UBE3C: variants seen among roughly 807,000 people sequenced by gnomAD.
UBE3C encodes the protein ubiquitin protein ligase E3C, also known as ubiquitin-protein ligase E3C.
Under a neutral mutation model 129.4 loss-of-function variants are expected in UBE3C, and 42 were observed. That is an observed-to-expected ratio of 0.32 (90% CI 0.25 to 0.42). The LOEUF (loss-of-function observed/expected upper bound fraction) is 0.42. Ranked by LOEUF, UBE3C falls within the 10% of genes least tolerant of loss-of-function variation. UBE3C has a pLI of 1.00. For synonymous variants in UBE3C, 510 were observed against 492.4 expected (o/e 1.04, Z -0.47); for missense variants, 1,049 against 1,319.1 (o/e 0.80, Z 3.17).
At position 157,198,497 on chromosome 7, in the gene UBE3C, G is replaced by A. The variant is rs530351107; in HGVS notation, c.1332-3224G>A. On this transcript the variant is annotated intron_variant, in intron 10 of 22. Transcript: ENST00000348165. Reference sequence around the variant, plus strand: ...TCTCCTGCTCACCGAGCTCAGGGCCGCCGCCCTCCGCCATCTTCCGCTGGC... The same window carrying A: ...TCTCCTGCTCACCGAGCTCAGGGCCACCGCCCTCCGCCATCTTCCGCTGGC... The A allele has an allele frequency of 9.1e-4, 355 of 391,972 alleles. 1 individual carries two copies. The highest frequency in any genetic ancestry group is 1.5e-3 in the Non-Finnish European group (331 of 214,396). The allele number at this position is 391,972 out of a possible 1,614,324, so 24.3% of individuals were successfully genotyped here. A position where few individuals can be genotyped will look rare whatever the true frequency, so the allele number is the denominator to read the frequency against.
intron 21 of UBE3C, 151 bp from the exon 22 acceptor site, chr7:157,256,763 C>T: frequency 1.1e-6 from 1 of 880,016 alleles, no homozygotes; most frequent in Admixed American, 2.5e-5. Flanking sequence ...ACAGCACGTA[C>T]ACAGGTGATA....
chr7:157,219,837 T>A (rs931728683), intron 14 of UBE3C, among the ~76,000 whole-genome samples: 1 of 151,850 alleles, frequency 6.6e-6, no homozygotes, highest in Non-Finnish European at 1.5e-5. Flanking sequence ...AGGCAGAGGT[T>A]GCAGTGAGCC....
intron 17 of UBE3C, 152 bp downstream of exon 17, chr7:157,225,691 A>C (rs1795856707): frequency 1.1e-6 from 1 of 914,240 alleles, no homozygotes; most frequent in South Asian, 2.1e-5. Context: ...GCTCACACCT[A>C]TAATCCCAGC....
intron 6 of UBE3C, among the ~76,000 whole-genome samples, chr7:157,179,287 T>G (rs1226536865): frequency 6.6e-6 from 1 of 152,202 alleles, no homozygotes; most frequent in Non-Finnish European, 1.5e-5. Context: ...AAGTAAATTT[T>G]GTTAAATGAT....
chr7:157,254,152 C>T lies in UBE3C; in HGVS notation c.2883+10C>T. ...TCAGCAAGAAATTCAGGTACCCTAC[C>T]TGCTGACTTTCTGGGACACGCTTGT... On this transcript the variant is annotated intron_variant, in intron 20 of 22. Transcript: ENST00000348165. The T allele has an allele frequency of 1.9e-6, 3 of 1,610,644 alleles. No individual in the cohort carries two copies. The highest frequency in any genetic ancestry group is 2.5e-6 in the Non-Finnish European group (3 of 1,178,006).
intron 1 of UBE3C, among the ~76,000 whole-genome samples, chr7:157,141,767 A>T (rs903980600): frequency 3.3e-5 from 5 of 152,104 alleles, no homozygotes; most frequent in Admixed American, 6.6e-5. Flanking sequence ...GCATGGAGCC[A>T]CTCACCACTT....
intron 1 of UBE3C, among the ~76,000 whole-genome samples, chr7:157,143,076 G>A (rs1224683894): frequency 1.3e-5 from 2 of 151,808 alleles, no homozygotes; most frequent in South Asian, 2.1e-4. Flanking sequence ...CATGTCGGTC[G>A]GGCGGGTCTC....
At chr7:157,144,070 T>C (rs1807533211) in intron 1 of UBE3C, among the ~76,000 whole-genome samples, 1 of 152,148 alleles carries the variant, frequency 6.6e-6, no homozygotes. Context: ...TTGAGCATAT[T>C]CTGTAGGGTA....
At chr7:157,170,517 A>G (rs1210771464) in intron 4 of UBE3C, 67 bp downstream of exon 4, 14 of 1,405,680 alleles carry the variant, frequency 1.0e-5, no homozygotes, top group Non-Finnish European at 1.3e-5. Context: ...TTAAAGTGGA[A>G]ATGGCTTCTC....
Position 157,201,713 on chromosome 7 carries a change from CT to C in UBE3C, c.1332-3del. The C allele has an allele frequency of 7.1e-7, 1 of 1,414,018 alleles. No individual in the cohort carries two copies. 87.6% of individuals were successfully genotyped at this position (1,414,018 alleles called of 1,614,324 possible). A position where few individuals can be genotyped will look rare whatever the true frequency, so the allele number is the denominator to read the frequency against. ...ACTGTTCTGTGTTTTTCTCCTATTC[CT>C]TTTTAGGCTTCTCTACAGTTTAGCC... is the stretch of plus-strand genomic sequence containing the variant. On this transcript the variant is annotated splice_polypyrimidine_tract_variant and splice_region_variant and intron_variant, in intron 10 of 22. Transcript: ENST00000348165.
intron 1 of UBE3C, among the ~76,000 whole-genome samples, chr7:157,158,360 G>A (rs1260703916): frequency 6.6e-6 from 1 of 152,096 alleles, no homozygotes; most frequent in East Asian, 1.9e-4. Flanking sequence ...TTTTGAAACC[G>A]TAAGCCATAG....
At chr7:157,233,009 CAT>C (rs1796061745) in intron 18 of UBE3C, among the ~76,000 whole-genome samples, 1 of 152,142 alleles carries the variant, frequency 6.6e-6, no homozygotes, top group African/African-American at 2.4e-5. Context: ...GCAATGTCAT[CAT>C]CCCAAAAAGG....
Position 157,215,231 on chromosome 7 carries a change from A to G in UBE3C, c.1810-1636A>G, listed in dbSNP as rs141280458. Among the ~76,000 whole-genome samples the G allele has an allele frequency of 8.9e-4, 135 of 152,272 alleles. 1 individual carries two copies. The highest frequency in any genetic ancestry group is 3.4e-3 in the Middle Eastern group (1 of 294). ...TCTCTGTCCACGGGTAGGTCATTCA[A>G]GGGGTGTCCACATTGTAGTGGCCTG... is the stretch of plus-strand genomic sequence containing the variant. On this transcript the variant is annotated intron_variant, in intron 13 of 22. Coordinates refer to ENST00000348165, the MANE Select transcript of UBE3C (RefSeq NM_014671.3).
chr7:157,181,494 T>G (rs1808664431), intron 6 of UBE3C, 24 bp from the exon 7 acceptor site: 1 of 1,546,290 alleles, frequency 6.5e-7, no homozygotes, highest in Non-Finnish European at 8.7e-7. Context: ...GCACTAAATT[T>G]TAAATATGTG....
chr7:157,218,455 TAAAAA>T (rs986599602), intron 14 of UBE3C, among the ~76,000 whole-genome samples: 2 of 135,104 alleles, frequency 1.5e-5, no homozygotes, highest in African/African-American at 5.5e-5. Flanking sequence ...TCTCAAAAAA[TAAAAA>T]AAAAAAACCA....
chr7:157,216,056 G>A (rs559633219), intron 13 of UBE3C, among the ~76,000 whole-genome samples: 1 of 152,288 alleles, frequency 6.6e-6, no homozygotes, highest in East Asian at 1.9e-4. Context: ...ATAGTGAAGT[G>A]TGTCCAGGCC....
At chr7:157,205,418 T>C (rs1208076219) in intron 11 of UBE3C, among the ~76,000 whole-genome samples, 1 of 152,150 alleles carries the variant, frequency 6.6e-6, no homozygotes, top group African/African-American at 2.4e-5. Flanking sequence ...GTGGTGATGA[T>C]TCTTGTCAGG....
At chr7:157,212,516 A>G (rs796218428) in intron 13 of UBE3C, among the ~76,000 whole-genome samples, 29 of 152,356 alleles carry the variant, frequency 1.9e-4, no homozygotes, top group African/African-American at 7.0e-4. Flanking sequence ...TCTTATGATC[A>G]TCATTGCCAT....
chr7:157,174,885 TGA>T, intron 4 of UBE3C, 32 bp from the exon 5 acceptor site: 1 of 1,500,498 alleles, frequency 6.7e-7, no homozygotes, highest in Non-Finnish European at 9.0e-7. Context: ...AAATTTTCAT[TGA>T]GAGTTGTATA....
Sources: gnomAD v4.1 joint callset for allele counts (sites outside exome capture counted in the v4.1 genomes callset) on GRCh38, gnomAD v4.1.1 for gene constraint, MANE v1.5 for transcripts, NCBI Gene and HGNC (gene_info 2026-07-23, HGNC 2026-07-21) for gene names.